The following NDST4 variants were observed in gnomAD, a reference collection of about 807,000 sequenced individuals.
NDST4 encodes the protein N-heparan sulfate sulfotransferase 4.
A neutral mutation model predicts 100.8 loss-of-function variants in NDST4; 63 were observed. The ratio of observed to expected loss-of-function variants is 0.62; its 90% CI spans 0.51 to 0.77. NDST4 has a LOEUF of 0.77. Ranked by LOEUF, NDST4 falls within the 30% of genes least tolerant of loss-of-function variation. NDST4 has a pLI of 0.00. For synonymous variants in NDST4, 377 were observed against 361.8 expected (o/e 1.04, Z -0.48); for missense variants, 943 against 1,018.4 (o/e 0.93, Z 1.01).
intron 2 of NDST4, among the ~76,000 whole-genome samples, chr4:114,981,676 C>T (rs1726776993): frequency 2.0e-5 from 3 of 152,120 alleles, no homozygotes; most frequent in Admixed American, 1.3e-4. Flanking sequence ...CATTAGTGTC[C>T]TAATAATACT....
At chr4:115,112,604 G>A (rs1410032366) in intron 1 of NDST4, among the ~76,000 whole-genome samples, 1 of 151,664 alleles carries the variant, frequency 6.6e-6, no homozygotes, top group African/African-American at 2.4e-5. Flanking sequence ...ACTATGACAG[G>A]AATTCTGTAG....
rs79639264 is a variant in NDST4, at chr4:114,954,253, T to A, written c.1221+16177A>T. ...CTGTTTCAAAAAATTCCAGATATAA[T>A]AGATTCTTTTAAAAAATTCTAAAAT... On this transcript the variant is annotated intron_variant, in intron 4 of 13. Coordinates refer to ENST00000264363, the MANE Select transcript of NDST4 (RefSeq NM_022569.3). Among the ~76,000 whole-genome samples, 425 of 152,276 alleles carry A rather than the reference T, an allele frequency of 2.8e-3. 1 individual carries two copies. Among genetic ancestry groups the A allele is most frequent in the Non-Finnish European group, 4.8e-3 (329 of 67,994 alleles).
intron 2 of NDST4, among the ~76,000 whole-genome samples, chr4:115,015,804 C>T (rs1727664781): frequency 1.3e-5 from 2 of 151,986 alleles, no homozygotes; most frequent in Non-Finnish European, 2.9e-5. Context: ...ATATGGACTC[C>T]TACTTACGAA....
At chr4:115,042,603 A>T (rs1180651591) in intron 2 of NDST4, among the ~76,000 whole-genome samples, 2 of 152,074 alleles carry the variant, frequency 1.3e-5, no homozygotes, top group Non-Finnish European at 2.9e-5. Context: ...ATTAAATTTT[A>T]TTATACGCAT....
At chr4:115,089,676 C>A (rs1488766770) in intron 1 of NDST4, among the ~76,000 whole-genome samples, 1 of 151,800 alleles carries the variant, frequency 6.6e-6, no homozygotes, top group African/African-American at 2.4e-5. Context: ...TCAAGCATAA[C>A]CCAATACTAA....
At chr4:114,948,395 A>G (rs1725916824) in intron 4 of NDST4, among the ~76,000 whole-genome samples, 1 of 151,968 alleles carries the variant, frequency 6.6e-6, no homozygotes, top group South Asian at 2.1e-4. Context: ...CAGGCAAAGC[A>G]GGTTAAATTT....
intron 6 of NDST4, among the ~76,000 whole-genome samples, chr4:114,875,985 T>C (rs1724246446): frequency 6.6e-6 from 1 of 152,192 alleles, no homozygotes; most frequent in African/African-American, 2.4e-5. Flanking sequence ...TTAGTTAAAG[T>C]ACACATTGAA....
At chr4:115,065,372 A>G (rs1021045237) in intron 2 of NDST4, among the ~76,000 whole-genome samples, 75 of 152,160 alleles carry the variant, frequency 4.9e-4, no homozygotes, top group Non-Finnish European at 1.6e-4. Context: ...ACTCAAGCCA[A>G]GCCCTTGTCG....
intron 2 of NDST4, among the ~76,000 whole-genome samples, chr4:114,979,724 G>A (rs910804912): frequency 1.3e-5 from 2 of 151,820 alleles, no homozygotes; most frequent in Admixed American, 1.3e-4. Context: ...AGTTAGCTAT[G>A]TGAAGAACTT....
At chr4:114,913,116 C>A (rs1725096632) in intron 6 of NDST4, among the ~76,000 whole-genome samples, 1 of 150,068 alleles carries the variant, frequency 6.7e-6, no homozygotes, top group Admixed American at 6.6e-5. Context: ...AATGGAGTTA[C>A]AGGCCACAGA....
intron 2 of NDST4, among the ~76,000 whole-genome samples, chr4:115,035,091 A>C (rs1728204271): frequency 1.3e-5 from 2 of 152,234 alleles, no homozygotes; most frequent in South Asian, 2.1e-4. Flanking sequence ...CAAAATCTTT[A>C]TATTCAATTG....
chr4:114,853,895 C>A (rs1455307236), intron 7 of NDST4, among the ~76,000 whole-genome samples: 1 of 151,970 alleles, frequency 6.6e-6, no homozygotes, highest in Non-Finnish European at 1.5e-5. Context: ...TACAGGCATA[C>A]AATACATAAT....
intron 2 of NDST4, among the ~76,000 whole-genome samples, chr4:115,047,144 T>C (rs1328417847): frequency 3.3e-5 from 5 of 152,138 alleles, no homozygotes; most frequent in Non-Finnish European, 7.4e-5. Context: ...CTTATTTTAT[T>C]TGTTATATCA....
chr4:114,954,187 A>C (rs1726084665), intron 4 of NDST4, among the ~76,000 whole-genome samples: 2 of 152,016 alleles, frequency 1.3e-5, no homozygotes, highest in Middle Eastern at 3.4e-3. Flanking sequence ...GTTTTTTTAA[A>C]CTTAATTTTT....
chr4:114,870,920 A>C lies in NDST4; in HGVS notation c.1567T>G (p.Tyr523Asp). Residue 523 changes from tyrosine to aspartate, a missense_variant, in exon 7 of 14, where the codon TAT (tyrosine) becomes GAT (aspartate). Transcript: ENST00000264363. ...ISIFMTHLSN[Y>D]GNDRLGLYTF... ...TATAACCCTAGGCGGTCATTTCCAT[A>C]GTTTGATAAATGGGTCATGAAAATG... 1 of 1,608,584 alleles carries C rather than the reference A, an allele frequency of 6.2e-7. No individual in the cohort carries two copies. The highest frequency in any genetic ancestry group is 8.5e-7 in the Non-Finnish European group (1 of 1,177,748).
chr4:115,104,184 A>G (rs1001539536), intron 1 of NDST4, among the ~76,000 whole-genome samples: 1 of 152,194 alleles, frequency 6.6e-6, no homozygotes, highest in Non-Finnish European at 1.5e-5. Flanking sequence ...AAAATTTATC[A>G]GCACATTTGT....
chr4:115,032,968 A>G (rs1451036169), intron 2 of NDST4, among the ~76,000 whole-genome samples: 5 of 151,784 alleles, frequency 3.3e-5, no homozygotes, highest in African/African-American at 1.2e-4. Flanking sequence ...CTAATAAGGT[A>G]TTAGTAGTAG....
chr4:115,040,645 C>T (rs894947742), intron 2 of NDST4, among the ~76,000 whole-genome samples: 11 of 151,940 alleles, frequency 7.2e-5, no homozygotes, highest in South Asian at 4.2e-4. Flanking sequence ...CAGCACAGCT[C>T]GTAGCCATGA....
intron 6 of NDST4, among the ~76,000 whole-genome samples, chr4:114,879,910 T>G (rs1219185401): frequency 6.6e-6 from 1 of 152,206 alleles, no homozygotes; most frequent in African/African-American, 2.4e-5. Context: ...TAAATGCAAC[T>G]GAAGTTCCAT....
Sources: allele counts gnomAD v4.1 joint callset (sites outside exome capture counted in the v4.1 genomes callset), GRCh38; gene constraint gnomAD v4.1.1; transcripts MANE v1.5; gene names NCBI Gene and HGNC (gene_info 2026-07-23, HGNC 2026-07-21).